Variants in SLC9B1 observed in about 807,000 individuals in gnomAD.
SLC9B1 encodes solute carrier family 9 member B1, also known as sodium/hydrogen exchanger 9B1.
In SLC9B1, 32 loss-of-function variants were observed where a neutral mutation model predicts 51.7. That is an observed-to-expected ratio of 0.62 (90% CI 0.47 to 0.83). The LOEUF is 0.83. Among genes scored for constraint, SLC9B1 ranks in the 40% least tolerant of loss-of-function variants. SLC9B1 has a pLI of 0.00. For missense variants in SLC9B1, 406 were observed against 613.2 expected, an observed-to-expected ratio of 0.66 and a Z score of 3.57; for synonymous variants, 145 against 212.7, an observed-to-expected ratio of 0.68 and a Z score of 2.77.
chr4:102,944,292 T>G (rs1315674911), intron 6 of SLC9B1, among the ~76,000 whole-genome samples: 2 of 152,150 alleles, frequency 1.3e-5, no homozygotes, highest in African/African-American at 4.8e-5. Context: ...ACTTATTACC[T>G]GGGTGACAAA....
intron 7 of SLC9B1, among the ~76,000 whole-genome samples, chr4:102,923,031 AG>A (rs1452284450): frequency 1.3e-5 from 2 of 152,198 alleles, no homozygotes; most frequent in Admixed American, 1.3e-4. Context: ...CAATAGAAAA[AG>A]AGAGAATCCT....
intron 3 of SLC9B1, among the ~76,000 whole-genome samples, chr4:102,969,473 C>A (rs1738627887): frequency 6.6e-6 from 1 of 152,194 alleles, no homozygotes; most frequent in African/African-American, 2.4e-5. Flanking sequence ...ACCAAAACCC[C>A]ATCTGTAGGT....
chr4:102,978,066 T>G (rs975753480), intron 3 of SLC9B1, among the ~76,000 whole-genome samples: 2 of 152,148 alleles, frequency 1.3e-5, no homozygotes, highest in African/African-American at 2.4e-5. Flanking sequence ...GTGTTTGGTT[T>G]TTTGTCCTTG....
intron 3 of SLC9B1, chr4:102,962,566 T>C (rs1738195008): frequency 2.5e-5 from 12 of 476,022 alleles, no homozygotes; most frequent in South Asian, 1.7e-4. Flanking sequence ...TGGGTGAATG[T>C]ATGTTAATGA....
Position 102,949,389 on chromosome 4 carries a change from T to C in SLC9B1, c.250A>G (p.Ile84Val), listed in dbSNP as rs766680278. The C allele has an allele frequency of 1.6e-5, 25 of 1,609,528 alleles. No individual in the cohort carries two copies. The highest frequency in any genetic ancestry group is 4.0e-5 in the African/African-American group (3 of 74,706). Residue 84 changes from isoleucine (I) to valine (V), a missense_variant, in exon 4 of 12, where the codon ATC becomes GTC. This residue lies in a region of SLC9B1 where 108 missense variants were observed against 94.5 expected (regional missense o/e 1.14). Transcript: ENST00000296422. ...LFVIWCMTWS[I>V]LGSEALPGGN... Reference sequence around the variant, plus strand: ...CCAGGGAGAGCTTCAGAGCCTAAGATTGACCAGGTCATACACCATATCACA... The same window carrying C: ...CCAGGGAGAGCTTCAGAGCCTAAGACTGACCAGGTCATACACCATATCACA...
chr4:102,999,936 C>T (rs1410002008), intron 1 of SLC9B1, among the ~76,000 whole-genome samples: 2 of 152,124 alleles, frequency 1.3e-5, no homozygotes, highest in East Asian at 3.8e-4. Flanking sequence ...CTTCAGGAAA[C>T]TTACAATCAA....
chr4:102,921,464 A>G (rs1735874280), intron 7 of SLC9B1, among the ~76,000 whole-genome samples: 1 of 152,242 alleles, frequency 6.6e-6, no homozygotes, highest in African/African-American at 2.4e-5. Context: ...AACAGGCCAA[A>G]CTGTAAAGAC....
intron 11 of SLC9B1, among the ~76,000 whole-genome samples, chr4:102,901,995 AG>A (rs1308327144): frequency 1.3e-5 from 2 of 152,206 alleles, no homozygotes; most frequent in Non-Finnish European, 2.9e-5. Flanking sequence ...GCTGGCACAC[AG>A]TAGGTATTCA....
intron 3 of SLC9B1, among the ~76,000 whole-genome samples, chr4:102,975,586 A>ATATATT (rs1217142990): frequency 3.2e-5 from 2 of 62,304 alleles, no homozygotes; most frequent in African/African-American, 1.5e-4. Flanking sequence ...ATATATATAT[A>ATATATT]TTTTTTTTTT....
intron 6 of SLC9B1, among the ~76,000 whole-genome samples, chr4:102,941,827 GA>G (rs1261701820): frequency 1.3e-5 from 2 of 151,462 alleles, no homozygotes; most frequent in African/African-American, 4.9e-5. Context: ...ACAAGAGAAA[GA>G]AATAAAGGGC....
chr4:102,942,520 G>A (rs1737057505), intron 6 of SLC9B1, among the ~76,000 whole-genome samples: 1 of 152,050 alleles, frequency 6.6e-6, no homozygotes, highest in Non-Finnish European at 1.5e-5. Flanking sequence ...GAGAAATAAA[G>A]CCAAATACTT....
At chr4:102,894,006 A>G (rs1329159372) in intron 11 of SLC9B1, among the ~76,000 whole-genome samples, 4 of 152,232 alleles carry the variant, frequency 2.6e-5, no homozygotes, top group Non-Finnish European at 4.4e-5. Context: ...AACAACAAAA[A>G]AGAGTAATAC....
At chr4:102,885,200 A>C (rs1350434998) in exon 12 of SLC9B1, 1 of 1,601,286 alleles carries the variant, frequency 6.2e-7, no homozygotes, top group South Asian at 1.1e-5. Flanking sequence ...AGATTCTGAC[A>C]CATCTACATG....
chr4:102,927,436 A>C (rs1361879856), intron 7 of SLC9B1, among the ~76,000 whole-genome samples: 1 of 152,260 alleles, frequency 6.6e-6, no homozygotes, highest in Non-Finnish European at 1.5e-5. Context: ...ACACTTCTCC[A>C]AAGTAGACAT....
chr4:103,019,056 T>C (rs993431241), intron 1 of SLC9B1, among the ~76,000 whole-genome samples: 5 of 152,096 alleles, frequency 3.3e-5, no homozygotes, highest in Non-Finnish European at 5.9e-5. Flanking sequence ...CTGTCTTCCA[T>C]GAAACTGATC....
At chr4:102,914,138 T>C (rs1313739419) in intron 7 of SLC9B1, among the ~76,000 whole-genome samples, 3 of 151,424 alleles carry the variant, frequency 2.0e-5, no homozygotes, top group African/African-American at 7.3e-5. Flanking sequence ...GATGAAATCA[T>C]AGGGGGTTGA....
intron 3 of SLC9B1, among the ~76,000 whole-genome samples, chr4:102,972,092 A>G (rs1413325140): frequency 6.6e-6 from 1 of 152,190 alleles, no homozygotes; most frequent in African/African-American, 2.4e-5. Context: ...TTCCTTCTGA[A>G]ACTATTCCAA....
chr4:102,889,600 AAAGT>A (rs916585184), intron 11 of SLC9B1: 22 of 152,008 alleles, frequency 1.4e-4, no homozygotes, highest in African/African-American at 5.3e-4. Context: ...TAATACCCCA[AAAGT>A]AAGATGGTTG....
chr4:102,901,351 A>C lies in SLC9B1; in HGVS notation c.1333-19T>G. The C allele has an allele frequency of 2.5e-6, 4 of 1,610,974 alleles. No individual in the cohort carries two copies. The South Asian group carries it at 4.4e-5, about 18-fold the overall frequency. On this transcript the variant is annotated intron_variant, in intron 11 of 11. Coordinates refer to ENST00000296422, the MANE Select transcript of SLC9B1 (RefSeq NM_139173.4). Reference sequence around the variant, plus strand: ...ACACAGCCTGCATTTAGGGGTAAAAATGGGGCATAAAGAAAAATATTAAAC... The same window carrying C: ...ACACAGCCTGCATTTAGGGGTAAAACTGGGGCATAAAGAAAAATATTAAAC...
Sources: gnomAD v4.1 joint callset for allele counts (sites outside exome capture counted in the v4.1 genomes callset) on GRCh38, gnomAD v4.1.1 for gene constraint, gnomAD v4.1.1 regional missense constraint, MANE v1.5 for transcripts, NCBI Gene and HGNC (gene_info 2026-07-23, HGNC 2026-07-21) for gene names.